CTNND2: variants seen among roughly 807,000 people sequenced by gnomAD.
CTNND2 encodes catenin delta-2.
A neutral mutation model predicts 144.4 loss-of-function variants in CTNND2; 22 were observed. The ratio of observed to expected loss-of-function variants is 0.15; its 90% CI spans 0.11 to 0.22. The LOEUF (loss-of-function observed/expected upper bound fraction) is 0.22. Ranked by LOEUF, CTNND2 falls within the 10% of genes least tolerant of loss-of-function variation. The pLI is 1.00. For synonymous variants in CTNND2, 751 were observed against 695.6 expected, an observed-to-expected ratio of 1.08 and a Z score of -1.25; for missense variants, 1,353 against 1,618.8, an observed-to-expected ratio of 0.84 and a Z score of 2.82.
chr5:11,582,833 T>C (rs1302198673), intron 2 of CTNND2, among the ~76,000 whole-genome samples: 1 of 152,130 alleles, frequency 6.6e-6, no homozygotes, highest in Non-Finnish European at 1.5e-5. Flanking sequence ...CACATGCATC[T>C]TTTCTTAGAA....
intron 16 of CTNND2, among the ~76,000 whole-genome samples, chr5:11,057,385 C>T (rs1746447041): frequency 2.0e-5 from 3 of 152,136 alleles, no homozygotes; most frequent in Admixed American, 1.3e-4. Flanking sequence ...GTGCTGTTCT[C>T]ACGACAGTGA....
intron 9 of CTNND2, among the ~76,000 whole-genome samples, chr5:11,292,628 C>T (rs1748472280): frequency 6.6e-6 from 1 of 152,190 alleles, no homozygotes; most frequent in Non-Finnish European, 1.5e-5. Flanking sequence ...GACGTACTGG[C>T]TTCCCTTTCT....
chr5:11,391,517 G>A (rs768667599), intron 6 of CTNND2, among the ~76,000 whole-genome samples: 18 of 152,146 alleles, frequency 1.2e-4, no homozygotes, highest in Non-Finnish European at 2.1e-4. Flanking sequence ...TACTCCCTGG[G>A]ATGTAATGAA....
At chr5:11,334,865 CA>C (rs1753579424) in intron 9 of CTNND2, among the ~76,000 whole-genome samples, 3 of 152,148 alleles carry the variant, frequency 2.0e-5, no homozygotes, top group Admixed American at 6.5e-5. Flanking sequence ...TAAACACATT[CA>C]AAGAACAAAG....
At chr5:11,508,646 T>C (rs1771315775) in intron 3 of CTNND2, among the ~76,000 whole-genome samples, 1 of 152,234 alleles carries the variant, frequency 6.6e-6, no homozygotes, top group South Asian at 2.1e-4. Flanking sequence ...GTGCAGTGGT[T>C]CACACCTGTA....
At chr5:11,902,401 A>G (rs1737984568) in intron 1 of CTNND2, among the ~76,000 whole-genome samples, 1 of 152,178 alleles carries the variant, frequency 6.6e-6, no homozygotes, top group East Asian at 1.9e-4. Flanking sequence ...GAGTCACAGC[A>G]AACACTTCTC....
chr5:11,093,345 T>C (rs186055098), intron 15 of CTNND2, among the ~76,000 whole-genome samples: 1 of 151,596 alleles, frequency 6.6e-6, no homozygotes, highest in African/African-American at 2.4e-5. Flanking sequence ...CTATACCCAA[T>C]TGTTTTAATA....
intron 3 of CTNND2, among the ~76,000 whole-genome samples, chr5:11,415,070 T>A (rs1761835200): frequency 6.6e-6 from 1 of 152,204 alleles, no homozygotes; most frequent in Non-Finnish European, 1.5e-5. Flanking sequence ...TTTGTGTGCA[T>A]GTGTCTTTAT....
At chr5:11,441,524 G>A (rs973146349) in intron 3 of CTNND2, among the ~76,000 whole-genome samples, 6 of 151,306 alleles carry the variant, frequency 4.0e-5, no homozygotes, top group Non-Finnish European at 5.9e-5. Flanking sequence ...GATTACAGGC[G>A]CCCGCCACCA....
chr5:11,428,350 A>G (rs1438914146), intron 3 of CTNND2, among the ~76,000 whole-genome samples: 1 of 152,140 alleles, frequency 6.6e-6, no homozygotes, highest in Non-Finnish European at 1.5e-5. Context: ...CATCACCTGT[A>G]AGATCAAGCC....
At chr5:11,083,353 C>T (rs1357201164) in intron 15 of CTNND2, among the ~76,000 whole-genome samples, 1 of 152,054 alleles carries the variant, frequency 6.6e-6, no homozygotes, top group African/African-American at 2.4e-5. Flanking sequence ...GTCAACTAGT[C>T]AGAAATAGGC....
intron 1 of CTNND2, among the ~76,000 whole-genome samples, chr5:11,891,037 T>G (rs1017460351): frequency 6.6e-5 from 10 of 152,298 alleles, no homozygotes; most frequent in African/African-American, 2.4e-4. Flanking sequence ...GCAGAAACCC[T>G]GGTGAGCAAT....
At chr5:11,112,166 C>T (rs1311361788) in intron 13 of CTNND2, among the ~76,000 whole-genome samples, 1 of 152,060 alleles carries the variant, frequency 6.6e-6, no homozygotes, top group African/African-American at 2.4e-5. Context: ...ATCTTAATCT[C>T]TGGAACCTGC....
chr5:11,675,577 T>C (rs1057094188), intron 2 of CTNND2, among the ~76,000 whole-genome samples: 1 of 152,132 alleles, frequency 6.6e-6, no homozygotes, highest in Non-Finnish European at 1.5e-5. Flanking sequence ...CTTTTGCCTC[T>C]GAATTTTGCG....
intron 1 of CTNND2, among the ~76,000 whole-genome samples, chr5:11,861,161 G>A (rs1044609314): frequency 2.0e-5 from 3 of 152,066 alleles, no homozygotes; most frequent in African/African-American, 4.8e-5. Context: ...TGATGGTTTC[G>A]AGTCTTTGAG....
chr5:11,735,191 G>A (rs1288180017), intron 1 of CTNND2, among the ~76,000 whole-genome samples: 1 of 152,220 alleles, frequency 6.6e-6, no homozygotes. Context: ...GACAGAAAGA[G>A]ATTTGCGTAA....
chr5:11,357,142 G>T (rs1581002694), intron 8 of CTNND2, among the ~76,000 whole-genome samples: 1 of 152,068 alleles, frequency 6.6e-6, no homozygotes, highest in Admixed American at 6.6e-5. Context: ...ATTAAAAATA[G>T]AGTTACCATG....
intron 2 of CTNND2, among the ~76,000 whole-genome samples, chr5:11,682,257 G>C (rs1248695917): frequency 6.6e-6 from 1 of 152,162 alleles, no homozygotes; most frequent in Non-Finnish European, 1.5e-5. Context: ...TGAAGCCTTG[G>C]GCATTTCTAC....
At chr5:11,189,793 T>C (rs1304190586) in intron 11 of CTNND2, among the ~76,000 whole-genome samples, 1 of 152,152 alleles carries the variant, frequency 6.6e-6, no homozygotes, top group African/African-American at 2.4e-5. Context: ...CAGCAATTTG[T>C]TTAATGAATG....
Sources: allele counts gnomAD v4.1 joint callset (sites outside exome capture counted in the v4.1 genomes callset), GRCh38; gene constraint gnomAD v4.1.1; transcripts MANE v1.5; gene names NCBI Gene and HGNC (gene_info 2026-07-23, HGNC 2026-07-21).